ADRA1D: variants seen among roughly 807,000 people sequenced by gnomAD.
The protein encoded by ADRA1D is alpha-1D adrenergic receptor.
In ADRA1D, 22 loss-of-function variants were observed where a neutral mutation model predicts 18.6. That is an observed-to-expected ratio of 1.19 (90% CI 0.85 to 1.69). The LOEUF (loss-of-function observed/expected upper bound fraction) is 1.69, where lower values mean the gene tolerates loss of function less well. Among genes scored for constraint, ADRA1D ranks in the 40% most tolerant of loss-of-function variants. ADRA1D has a pLI of 0.00. For missense variants in ADRA1D, 840 were observed against 840.7 expected (o/e 1.00, Z 0.01); for synonymous variants, 376 against 388.2 (o/e 0.97, Z 0.37).
rs1981420102 is a variant in ADRA1D at position 4,248,729 on chromosome 20, C to T, written c.229G>A (p.Ala77Thr). 1 of 1,545,520 alleles carries T rather than the reference C, an allele frequency of 6.5e-7. No homozygotes were observed. Among genetic ancestry groups the T allele is most frequent in the Non-Finnish European group, 8.7e-7 (1 of 1,144,938 alleles). ...SSAGEPGSAG[A>T]GGDVNGTAAV... is the part of the protein sequence containing the mutation. ...GCCGTGCCATTCACGTCGCCGCCCG[C>T]GCCCGCGCTCCCCGGCTCCCCCGCG... Residue 77 changes from alanine to threonine, a missense_variant, in exon 1 of 2, where the codon GCG (alanine) becomes ACG (threonine). Ala to Thr is a moderately conservative substitution (Grantham distance 58, BLOSUM62 0). Coordinates refer to ENST00000379453, the MANE Select transcript of ADRA1D (RefSeq NM_000678.4).
intron 1 of ADRA1D, among the ~76,000 whole-genome samples, chr20:4,244,132 C>T (rs969397029): frequency 1.3e-5 from 2 of 152,212 alleles, no homozygotes; most frequent in African/African-American, 4.8e-5. Flanking sequence ...CCCTGAGACT[C>T]TTGATGCCCT....
chr20:4,233,616 C>A (rs1463407237), intron 1 of ADRA1D, among the ~76,000 whole-genome samples: 1 of 152,176 alleles, frequency 6.6e-6, no homozygotes, highest in Non-Finnish European at 1.5e-5. Flanking sequence ...CGACCCAAGA[C>A]ATTCTTTGTC....
Position 4,248,429 on chromosome 20 carries a change from C to A in ADRA1D, c.529G>T (p.Val177Leu). Reference sequence around the variant, plus strand: ...AGGATGGAGGCCGTGCAGCACAGCACGTCCACGGCGGCCCATACGTCGCAG... The same window carrying A: ...AGGATGGAGGCCGTGCAGCACAGCAAGTCCACGGCGGCCCATACGTCGCAG... Reference protein sequence around the residue: ...AFCDVWAAVDVLCCTASILSL... With the variant: ...AFCDVWAAVDLLCCTASILSL... The change falls in exon 1 of 2, where the codon GTG (valine) becomes TTG (leucine). Residue 177 changes from valine to leucine, a missense_variant. Transcript: ENST00000379453. 1 of 1,611,380 alleles carries A rather than the reference C, an allele frequency of 6.2e-7. No individual in the cohort carries two copies.
intron 1 of ADRA1D, among the ~76,000 whole-genome samples, chr20:4,234,439 C>T (rs1981043134): frequency 6.6e-6 from 1 of 152,352 alleles, no homozygotes; most frequent in East Asian, 1.9e-4. Context: ...GCACCCCAGC[C>T]TCCCCCATCT....
At position 4,221,723 on chromosome 20, in the gene ADRA1D, T is replaced by C; in HGVS notation, c.1519A>G (p.Thr507Ala). 1 of 1,607,998 alleles carries C rather than the reference T, an allele frequency of 6.2e-7. No individual in the cohort carries two copies. Among genetic ancestry groups the C allele is most frequent in the South Asian group, 1.1e-5 (1 of 90,956 alleles). ...GAGACTTTGGCGCGCAGCTGGGTCG[T>C]GGGTCTCCGGAACGGCCCCAGCAGC... ...WRLLGPFRRP[T>A]TQLRAKVSSL... Residue 507 changes from threonine to alanine, a missense_variant, in exon 2 of 2, where the codon ACG becomes GCG. By Grantham distance (58) the Thr-to-Ala change is moderately conservative. Transcript: ENST00000379453.
intron 1 of ADRA1D, among the ~76,000 whole-genome samples, chr20:4,240,360 A>G (rs544708749): frequency 1.3e-5 from 2 of 151,666 alleles, no homozygotes; most frequent in East Asian, 1.9e-4. Flanking sequence ...CACTAAGTAG[A>G]TATTTGATGA....
intron 1 of ADRA1D, among the ~76,000 whole-genome samples, chr20:4,245,010 G>T (rs1447328032): frequency 2.0e-5 from 3 of 152,224 alleles, no homozygotes; most frequent in Non-Finnish European, 4.4e-5. Flanking sequence ...CACATGTGAG[G>T]CGCAGCAGAA....
At chr20:4,246,695 C>T (rs1981343644) in intron 1 of ADRA1D, among the ~76,000 whole-genome samples, 1 of 152,090 alleles carries the variant, frequency 6.6e-6, no homozygotes, top group Non-Finnish European at 1.5e-5. Context: ...TATTTTGGTT[C>T]GGACAATAAT....
chr20:4,247,494 AGGGGGATCTGTAGG>A (rs1339578491), intron 1 of ADRA1D, among the ~76,000 whole-genome samples: 5 of 152,132 alleles, frequency 3.3e-5, no homozygotes, highest in African/African-American at 1.2e-4. Flanking sequence ...ACCTCCCGGG[AGGGGGATCTGTAGG>A]GGGACACATA....
At chr20:4,226,917 A>C (rs912841887) in intron 1 of ADRA1D, among the ~76,000 whole-genome samples, 68 of 152,156 alleles carry the variant, frequency 4.5e-4, no homozygotes, top group African/African-American at 1.5e-3. Flanking sequence ...CTCTGCCCAC[A>C]GTGCTCCAAT....
intron 1 of ADRA1D, among the ~76,000 whole-genome samples, chr20:4,234,352 A>T (rs1397179734): frequency 6.6e-6 from 1 of 152,140 alleles, no homozygotes; most frequent in Non-Finnish European, 1.5e-5. Flanking sequence ...CACCAGAAGG[A>T]ACTTGTTCTT....
intron 1 of ADRA1D, among the ~76,000 whole-genome samples, chr20:4,238,316 A>G (rs1386932940): frequency 6.6e-6 from 1 of 152,154 alleles, no homozygotes; most frequent in Non-Finnish European, 1.5e-5. Context: ...AAGAGTTAAG[A>G]GGGTAAGTAG....
Position 4,222,596 on chromosome 20 carries a change from C to T in ADRA1D, c.1112-466G>A, listed in dbSNP as rs1372171284. Among the ~76,000 whole-genome samples the T allele has an allele frequency of 6.6e-6, 1 of 152,162 alleles. No individual in the cohort carries two copies. Among genetic ancestry groups the T allele is most frequent in the African/African-American group, 2.4e-5 (1 of 41,438 alleles). ...AGAACATACGCCCCCGCCTCCCTGC[C>T]ACATCTCCTGTCTGAGTCACTGTTT... is the stretch of plus-strand genomic sequence containing the variant. On this transcript the variant is annotated intron_variant, in intron 1 of 1. Transcript: ENST00000379453. The surrounding 1 kb of genome is among the most constrained non-coding windows in gnomAD (Gnocchi z 4.3).
chr20:4,234,678 C>T (rs1272254707), intron 1 of ADRA1D, among the ~76,000 whole-genome samples: 1 of 152,252 alleles, frequency 6.6e-6, no homozygotes, highest in East Asian at 1.9e-4. Flanking sequence ...TAGCAGCCTT[C>T]CCCAGGAGAG....
chr20:4,247,852 G>A lies in ADRA1D; in HGVS notation c.1106C>T (p.Pro369Leu), dbSNP rs1437404692. The part of the protein sequence containing the change: ...LCWFPFFFVL[P>L]LGSLFPQLKP... ...GTGGGAGAGGGGTCACTCACCGAGCGGCAGGACAAAGAAGAAAGGGAACCA... is the reference window on the plus strand; with the variant it reads ...GTGGGAGAGGGGTCACTCACCGAGCAGCAGGACAAAGAAGAAAGGGAACCA... The change falls in exon 1 of 2, where the codon CCG becomes CTG. Residue 369 changes from proline (P) to leucine (L), a missense_variant. Transcript: ENST00000379453. 3 of 1,546,452 alleles carry A rather than the reference G, an allele frequency of 1.9e-6. No individual in the cohort carries two copies. The highest frequency in any genetic ancestry group is 3.9e-5 in the Admixed American group (2 of 50,908).
At chr20:4,243,459 C>T (rs1348810937) in intron 1 of ADRA1D, among the ~76,000 whole-genome samples, 1 of 152,170 alleles carries the variant, frequency 6.6e-6, no homozygotes, top group Non-Finnish European at 1.5e-5. Flanking sequence ...GGGGATTGTA[C>T]CTGGCATGGG....
intron 1 of ADRA1D, among the ~76,000 whole-genome samples, chr20:4,234,290 C>T (rs35954863): frequency 0.16 from 24,439 of 152,184 alleles, 2,221 homozygotes; most frequent in East Asian, 0.31. Flanking sequence ...TGAGGACAGA[C>T]GGCGCTGAAG....
intron 1 of ADRA1D, among the ~76,000 whole-genome samples, chr20:4,229,859 C>T (rs772364014): frequency 2.6e-4 from 39 of 152,146 alleles, no homozygotes; most frequent in Non-Finnish European, 5.3e-4. Context: ...GGTCACGTCA[C>T]TCCTCTGCTC....
Position 4,248,658 on chromosome 20 carries a change from G to A in ADRA1D, c.300C>T (p.Gly100=), listed in dbSNP as rs1334576627. The A allele has an allele frequency of 6.2e-7, 1 of 1,605,258 alleles. No individual in the cohort carries two copies. The highest frequency in any genetic ancestry group is 8.5e-7 in the Non-Finnish European group (1 of 1,176,676). The change falls in exon 1 of 2, where the codon GGC becomes GGT. Residue 100 remains glycine, a synonymous_variant. Transcript: ENST00000379453. ...TAAGGATGAAGGCTGCCAGGAAGACGCCCACGCCCACGCCCTGCGCGCTCA... is the reference window on the plus strand; with the variant it reads ...TAAGGATGAAGGCTGCCAGGAAGACACCCACGCCCACGCCCTGCGCGCTCA... ...LVVSAQGVGV[G]VFLAAFILMA... is the part of the protein sequence containing the mutation.
Sources: allele counts gnomAD v4.1 joint callset (sites outside exome capture counted in the v4.1 genomes callset), GRCh38; gene constraint gnomAD v4.1.1; non-coding constraint Gnocchi (gnomAD v3.1); transcripts MANE v1.5; gene names NCBI Gene and HGNC (gene_info 2026-07-23, HGNC 2026-07-21).